NFXL1: variants seen among roughly 807,000 people sequenced by gnomAD.
The protein encoded by NFXL1 is NF-X1-type zinc finger protein NFXL1.
Under a neutral mutation model 123.3 loss-of-function variants are expected in NFXL1, and 66 were observed. The ratio of observed to expected loss-of-function variants is 0.54; its 90% CI spans 0.44 to 0.66. NFXL1 has a LOEUF of 0.66. Among genes scored for constraint, NFXL1 ranks in the 30% least tolerant of loss-of-function variants. NFXL1 has a pLI of 0.00. For missense variants in NFXL1, 944 were observed against 1,125.6 expected (o/e 0.84, Z 2.31); for synonymous variants, 346 against 360.8 (o/e 0.96, Z 0.46).
intron 4 of NFXL1, among the ~76,000 whole-genome samples, chr4:47,904,073 A>T (rs1308099314): frequency 2.0e-5 from 3 of 152,136 alleles, no homozygotes; most frequent in Admixed American, 2.0e-4. Context: ...AGTTTGGGTT[A>T]CCCCCAAAGC....
chr4:47,879,311 G>A (rs1578013541), intron 15 of NFXL1, among the ~76,000 whole-genome samples, 194 bp from the exon 16 acceptor site: 1 of 151,980 alleles, frequency 6.6e-6, no homozygotes, highest in East Asian at 1.9e-4. Flanking sequence ...ATTAGAATTT[G>A]AAGTTAAAAA....
intron 22 of NFXL1, among the ~76,000 whole-genome samples, chr4:47,849,038 G>C (rs1299314915): frequency 6.6e-6 from 1 of 152,160 alleles, no homozygotes; most frequent in Non-Finnish European, 1.5e-5. Context: ...AGCAAGTGCT[G>C]TGATGCCTAG....
intron 2 of NFXL1, among the ~76,000 whole-genome samples, chr4:47,911,507 A>C (rs1369296868): frequency 6.6e-6 from 1 of 152,210 alleles, no homozygotes; most frequent in Non-Finnish European, 1.5e-5. Flanking sequence ...GTTTGTACCA[A>C]CAGTACTCAC....
intron 21 of NFXL1, 62 bp downstream of exon 21, chr4:47,851,794 A>G: frequency 9.1e-7 from 1 of 1,096,394 alleles, no homozygotes; most frequent in Non-Finnish European, 1.4e-6. Context: ...TAAGTACATA[A>G]ATGCACAAAA....
At chr4:47,914,255 A>G in intron 1 of NFXL1, 50 bp from the exon 2 acceptor site, 1 of 1,367,498 alleles carries the variant, frequency 7.3e-7, no homozygotes, top group Non-Finnish European at 9.6e-7. Flanking sequence ...GAGCGCAGCG[A>G]GGACCGAGGC....
intron 18 of NFXL1, among the ~76,000 whole-genome samples, chr4:47,871,404 T>A (rs897432348): frequency 5.9e-5 from 9 of 151,800 alleles, no homozygotes; most frequent in African/African-American, 1.7e-4. Flanking sequence ...TTTCCATGGG[T>A]TTCTATGCTC....
chr4:47,912,151 A>G (rs570514706), intron 2 of NFXL1, among the ~76,000 whole-genome samples: 1 of 152,338 alleles, frequency 6.6e-6, no homozygotes, highest in African/African-American at 2.4e-5. Context: ...GAAAATGTGT[A>G]TCATGCTTAC....
intron 19 of NFXL1, among the ~76,000 whole-genome samples, chr4:47,861,301 C>A (rs1219736231): frequency 1.3e-5 from 2 of 152,184 alleles, no homozygotes; most frequent in African/African-American, 4.8e-5. Context: ...CACCTGTCTA[C>A]TCTTAGATTG....
At chr4:47,894,108 CTT>C in intron 11 of NFXL1, 70 bp downstream of exon 11, 1 of 1,203,022 alleles carries the variant, frequency 8.3e-7, no homozygotes, top group South Asian at 1.7e-5. Flanking sequence ...CAAGACAGCA[CTT>C]ATTTGGGCCC....
intron 18 of NFXL1, among the ~76,000 whole-genome samples, chr4:47,872,420 C>A (rs1735498134): frequency 6.7e-6 from 1 of 150,092 alleles, no homozygotes; most frequent in Admixed American, 6.7e-5. Flanking sequence ...CAAGATCGTG[C>A]CACTGCACTC....
rs1284691659 is a variant in NFXL1, at chr4:47,905,340, T to C, written c.413A>G (p.Asp138Gly). The change falls in exon 4 of 23, where the codon GAT (aspartate) becomes GGT (glycine). Residue 138 changes from aspartate (D) to glycine (G), a missense_variant. Coordinates refer to ENST00000507489, the MANE Select transcript of NFXL1 (RefSeq NM_001278624.2). ...TTTTGTTCGCTCTAATTCACGTGTA[T>C]CTCCATCTGGAAATTTAAAGATTGA... ...FITYTTQTDGDTRELERTKQY... is the reference protein window; with the variant it reads ...FITYTTQTDGGTRELERTKQY... 2 of 1,523,244 alleles carry C rather than the reference T, an allele frequency of 1.3e-6. No homozygotes were observed. Among genetic ancestry groups the C allele is most frequent in the Non-Finnish European group, 1.8e-6 (2 of 1,101,206 alleles). 94.4% of individuals were successfully genotyped at this position (1,523,244 alleles called of 1,614,324 possible). A position where few individuals can be genotyped will look rare whatever the true frequency, so the allele number is the denominator to read the frequency against.
At chr4:47,871,631 AG>A (rs1445720073) in intron 18 of NFXL1, among the ~76,000 whole-genome samples, 21 of 152,340 alleles carry the variant, frequency 1.4e-4, no homozygotes, top group Middle Eastern at 6.8e-3. Flanking sequence ...AACAGAATGC[AG>A]GTGTGACACT....
At chr4:47,856,712 T>TG (rs1734436802) in intron 19 of NFXL1, among the ~76,000 whole-genome samples, 1 of 152,342 alleles carries the variant, frequency 6.6e-6, no homozygotes, top group African/African-American at 2.4e-5. Context: ...ACTCACACTG[T>TG]GCACTTCCAC....
chr4:47,891,114 CT>C (rs374093120), intron 11 of NFXL1, among the ~76,000 whole-genome samples: 47,336 of 139,878 alleles, frequency 0.34, 8,578 homozygotes, highest in Non-Finnish European at 0.43. Context: ...TTCTTTTTTT[CT>C]TTTTTTTTTT....
rs1375300127 is a variant in NFXL1, at chr4:47,848,310, T to C, written c.2589A>G (p.Arg863=). The C allele has an allele frequency of 8.7e-6, 14 of 1,611,980 alleles. No homozygotes were observed. In the Admixed American group the frequency reaches 2.3e-4, roughly 27 times the overall value. Residue 863 remains arginine, a synonymous_variant, in exon 23 of 23, where the codon AGA becomes AGG. Coordinates refer to ENST00000507489, the MANE Select transcript of NFXL1 (RefSeq NM_001278624.2). ...QQAELEAFEN[R]LKGRRKKNRK... is the part of the protein sequence containing the mutation. ...TGTTCTTCTTCCGACGACCCTTCAG[T>C]CTGTTTTCAAAAGCTTCTAGTTCAG...
chr4:47,903,462 A>G (rs1268877755), intron 4 of NFXL1, 139 bp from the exon 5 acceptor site: 4 of 418,420 alleles, frequency 9.6e-6, no homozygotes, highest in Non-Finnish European at 1.6e-5. Flanking sequence ...TTCCAGTATA[A>G]CAGAAGAACT....
chr4:47,870,510 T>C (rs564977645), intron 18 of NFXL1, among the ~76,000 whole-genome samples: 2 of 152,208 alleles, frequency 1.3e-5, no homozygotes, highest in African/African-American at 4.8e-5. Context: ...CAATACTATT[T>C]AACACTGGAC....
intron 3 of NFXL1, among the ~76,000 whole-genome samples, chr4:47,906,932 C>A (rs1357028468): frequency 2.0e-5 from 3 of 152,178 alleles, no homozygotes; most frequent in Non-Finnish European, 4.4e-5. Flanking sequence ...AGACTGAAAG[C>A]TGGAAGTACC....
intron 12 of NFXL1, among the ~76,000 whole-genome samples, chr4:47,888,370 T>A (rs1736571660): frequency 6.6e-6 from 1 of 152,208 alleles, no homozygotes; most frequent in African/African-American, 2.4e-5. Context: ...TAATTCTGAT[T>A]ATGAAGGATT....
Sources: allele counts gnomAD v4.1 joint callset (sites outside exome capture counted in the v4.1 genomes callset), GRCh38; gene constraint gnomAD v4.1.1; transcripts MANE v1.5; gene names NCBI Gene and HGNC (gene_info 2026-07-23, HGNC 2026-07-21).